The following TES variants were observed in gnomAD, a reference collection of about 807,000 sequenced individuals.
TES encodes the protein testin.
In TES, 41 loss-of-function variants were observed where a neutral mutation model predicts 48.2. That is an observed-to-expected ratio of 0.85 (90% CI 0.66 to 1.10). TES has a LOEUF of 1.10. Ranked by LOEUF, TES falls within the 50% of genes least tolerant of loss-of-function variation. The pLI is 0.00. For missense variants in TES, 463 were observed against 515.1 expected, an observed-to-expected ratio of 0.90 and a Z score of 0.98; for synonymous variants, 162 against 174.9, an observed-to-expected ratio of 0.93 and a Z score of 0.58.
chr7:116,220,956 G>A (rs1014201792), intron 1 of TES, among the ~76,000 whole-genome samples: 2 of 152,132 alleles, frequency 1.3e-5, no homozygotes, highest in Non-Finnish European at 2.9e-5. Context: ...AATCTAGAGG[G>A]AAGAAAATCC....
chr7:116,237,014 T>C (rs924587027), intron 2 of TES, among the ~76,000 whole-genome samples: 1 of 152,226 alleles, frequency 6.6e-6, no homozygotes, highest in Non-Finnish European at 1.5e-5. Flanking sequence ...CCTGACTTTT[T>C]CACCATAGCT....
intron 2 of TES, among the ~76,000 whole-genome samples, chr7:116,234,857 G>T (rs530188043): frequency 6.6e-6 from 1 of 152,320 alleles, no homozygotes; most frequent in African/African-American, 2.4e-5. Context: ...CTGTCTTTAA[G>T]ATTTCCTTCG....
chr7:116,247,806 C>T (rs932775227), intron 2 of TES, among the ~76,000 whole-genome samples: 1 of 152,140 alleles, frequency 6.6e-6, no homozygotes, highest in African/African-American at 2.4e-5. Flanking sequence ...CTGCTTTCCT[C>T]TTTTTTTCAC....
chr7:116,235,632 A>C (rs574078007), intron 2 of TES, among the ~76,000 whole-genome samples: 1 of 152,222 alleles, frequency 6.6e-6, no homozygotes, highest in Non-Finnish European at 1.5e-5. Flanking sequence ...ATGACTGTCA[A>C]GTCCATAGTG....
intron 1 of TES, among the ~76,000 whole-genome samples, chr7:116,231,422 A>G (rs1799698516): frequency 6.6e-6 from 1 of 152,256 alleles, no homozygotes; most frequent in Non-Finnish European, 1.5e-5. Context: ...CCTATGACAC[A>G]GCCCTGAGGA....
intron 1 of TES, among the ~76,000 whole-genome samples, chr7:116,215,113 A>T (rs1799479779): frequency 6.6e-6 from 1 of 152,162 alleles, no homozygotes; most frequent in South Asian, 2.1e-4. Flanking sequence ...CCTTAGCCCC[A>T]TTTTCAGGAT....
At chr7:116,211,139 A>G in intron 1 of TES, 1 of 164,360 alleles carries the variant, frequency 6.1e-6, no homozygotes. Context: ...GAATTTCATT[A>G]AGCCTTTGTG....
At chr7:116,226,112 A>G (rs1799617886) in intron 1 of TES, among the ~76,000 whole-genome samples, 2 of 152,306 alleles carry the variant, frequency 1.3e-5, no homozygotes, top group African/African-American at 4.8e-5. Flanking sequence ...TGTGTGTGTA[A>G]AAAGGCAGTG....
At chr7:116,245,092 T>C (rs1799903821) in intron 2 of TES, among the ~76,000 whole-genome samples, 1 of 152,188 alleles carries the variant, frequency 6.6e-6, no homozygotes, top group Non-Finnish European at 1.5e-5. Context: ...TGTGAAGCTC[T>C]CTGACATGCC....
chr7:116,251,117 A>G (rs1162550354), intron 4 of TES, among the ~76,000 whole-genome samples: 1 of 152,164 alleles, frequency 6.6e-6, no homozygotes, highest in Non-Finnish European at 1.5e-5. Flanking sequence ...AAGAGCACTA[A>G]TAAGCCCTGA....
chr7:116,230,258 G>T (rs533683500), intron 1 of TES, among the ~76,000 whole-genome samples: 1 of 152,290 alleles, frequency 6.6e-6, no homozygotes, highest in East Asian at 1.9e-4. Flanking sequence ...TGTCTGTGAT[G>T]TTTAAAAGTT....
chr7:116,236,473 T>C (rs62475207), intron 2 of TES, among the ~76,000 whole-genome samples: 155 of 152,292 alleles, frequency 1.0e-3, no homozygotes, highest in Non-Finnish European at 2.1e-3. Context: ...TAATTTTATG[T>C]TTAAACTTGG....
At chr7:116,220,101 A>AT (rs1223369918) in intron 1 of TES, among the ~76,000 whole-genome samples, 6 of 152,146 alleles carry the variant, frequency 3.9e-5, no homozygotes, top group African/African-American at 1.2e-4. Context: ...ATTACAAAAT[A>AT]TTACCTTTTA....
chr7:116,235,583 T>A (rs1006597347), intron 2 of TES, among the ~76,000 whole-genome samples: 10 of 152,222 alleles, frequency 6.6e-5, no homozygotes, highest in African/African-American at 2.4e-4. Flanking sequence ...CTGCATATCA[T>A]ATAAATCTAA....
At chr7:116,227,486 G>A (rs188410366) in intron 1 of TES, among the ~76,000 whole-genome samples, 36 of 152,132 alleles carry the variant, frequency 2.4e-4, no homozygotes, top group Admixed American at 9.8e-4. Flanking sequence ...GAACTAAAAC[G>A]TTCAAATTTT....
At chr7:116,230,731 C>T (rs961082036) in intron 1 of TES, among the ~76,000 whole-genome samples, 12 of 152,192 alleles carry the variant, frequency 7.9e-5, no homozygotes, top group East Asian at 1.9e-4. Context: ...CAAAGTACTC[C>T]GCCTGCTACA....
At chr7:116,236,501 T>G (rs568568473) in intron 2 of TES, among the ~76,000 whole-genome samples, 15 of 152,334 alleles carry the variant, frequency 9.8e-5, no homozygotes, top group African/African-American at 3.6e-4. Context: ...CCCCAAGATA[T>G]CTCATTGTTT....
intron 2 of TES, among the ~76,000 whole-genome samples, chr7:116,243,093 C>T (rs1354713722): frequency 6.6e-6 from 1 of 151,934 alleles, no homozygotes; most frequent in Non-Finnish European, 1.5e-5. Context: ...GCTTATTATG[C>T]CTTTTTCCTA....
intron 5 of TES, 23 bp from the exon 6 acceptor site, chr7:116,252,295 C>G: frequency 6.3e-7 from 1 of 1,587,914 alleles, no homozygotes; most frequent in Middle Eastern, 1.7e-4. Flanking sequence ...AAAAATCCAT[C>G]TTTATTTTTA....
Sources: allele counts gnomAD v4.1 joint callset (sites outside exome capture counted in the v4.1 genomes callset), GRCh38; gene constraint gnomAD v4.1.1; transcripts MANE v1.5; gene names NCBI Gene and HGNC (gene_info 2026-07-23, HGNC 2026-07-21).